Variants in GALNT13 observed in about 807,000 individuals in gnomAD.
GALNT13 encodes the protein UDP-GalNAc:polypeptide N-acetylgalactosaminyltransferase 13.
A neutral mutation model predicts 64.2 loss-of-function variants in GALNT13; 28 were observed. The ratio of observed to expected loss-of-function variants is 0.44; its 90% CI spans 0.32 to 0.60. The LOEUF (loss-of-function observed/expected upper bound fraction) is 0.60, where lower values mean the gene tolerates loss of function less well. Ranked by LOEUF, GALNT13 falls within the 20% of genes least tolerant of loss-of-function variation. The probability of loss-of-function intolerance (pLI) is 0.05; values close to 1 mark genes in which losing one functional copy is unlikely to be tolerated. For missense variants in GALNT13, 577 were observed against 669.8 expected (o/e 0.86, Z 1.53); for synonymous variants, 214 against 224.6 (o/e 0.95, Z 0.42).
chr2:153,908,360 A>G lies in GALNT13; in HGVS notation c.-105+7353A>G, dbSNP rs117555923. 2.4e-3 allele frequency among the ~76,000 whole-genome samples: 367 copies of G among 152,160 alleles called. 9 individuals carry two copies. The East Asian group carries it at 0.055, about 23-fold the overall frequency. ...TAGGTTGTCTGCTTACTCTGTTGAT[A>G]GTTTCTTTTTCTGCACAGAAGCTCT... On this transcript the variant is annotated intron_variant, in intron 2 of 12. Transcript: ENST00000392825.
intron 8 of GALNT13, among the ~76,000 whole-genome samples, chr2:154,282,042 T>C (rs1258477195): frequency 6.6e-6 from 1 of 152,110 alleles, no homozygotes; most frequent in Admixed American, 6.6e-5. Context: ...TAAGGGAAAA[T>C]ACTTGATAAT....
the GALNT13 span, among the ~76,000 whole-genome samples, chr2:153,738,250 C>A: frequency 1.3e-5 from 2 of 151,746 alleles, no homozygotes; most frequent in Non-Finnish European, 1.5e-5. Flanking sequence ...TGTTTTTATT[C>A]TTACTAGCTC....
chr2:153,360,959 G>A, the GALNT13 span, among the ~76,000 whole-genome samples: 2 of 152,080 alleles, frequency 1.3e-5, no homozygotes, highest in African/African-American at 2.4e-5. Context: ...CCCTATACAG[G>A]AGCACTCCTA....
At chr2:153,905,642 A>G (rs192923531) in intron 2 of GALNT13, among the ~76,000 whole-genome samples, 1 of 152,096 alleles carries the variant, frequency 6.6e-6, no homozygotes, top group Non-Finnish European at 1.5e-5. Context: ...TTGAGGTGCA[A>G]CAGCAAAACT....
intron 3 of GALNT13, among the ~76,000 whole-genome samples, chr2:153,971,328 G>A (rs1012074431): frequency 1.3e-5 from 2 of 152,002 alleles, no homozygotes; most frequent in Non-Finnish European, 2.9e-5. Context: ...TTCACTGCAT[G>A]ACATATTATG....
intron 9 of GALNT13, among the ~76,000 whole-genome samples, chr2:154,364,722 A>C (rs1697269304): frequency 6.6e-6 from 1 of 152,064 alleles, no homozygotes; most frequent in Admixed American, 6.6e-5. Context: ...CCCGGGCTGG[A>C]ATGCGATGGC....
chr2:153,997,856 A>G (rs1215054841), intron 3 of GALNT13, among the ~76,000 whole-genome samples: 2 of 151,752 alleles, frequency 1.3e-5, no homozygotes, highest in Non-Finnish European at 2.9e-5. Context: ...ATGTGTTCTC[A>G]TTGTTCAACT....
At position 154,101,522 on chromosome 2, in the gene GALNT13, G is replaced by A. The variant is rs145974231; in HGVS notation, c.143-38815G>A. Among the ~76,000 whole-genome samples the A allele has an allele frequency of 7.2e-3, 1,091 of 151,882 alleles. 16 individuals carry two copies. The highest frequency in any genetic ancestry group is 0.025 in the African/African-American group (1,044 of 41,420). Reference sequence around the variant, plus strand: ...TGTTATTTTTGTCATTTTTGATTGCGCTTATTTGAATTTTGTCTCTTTTAT... The same window carrying A: ...TGTTATTTTTGTCATTTTTGATTGCACTTATTTGAATTTTGTCTCTTTTAT... On this transcript the variant is annotated intron_variant, in intron 3 of 12. Coordinates refer to ENST00000392825, the MANE Select transcript of GALNT13 (RefSeq NM_052917.4).
At chr2:153,266,576 G>GAA in the GALNT13 span, among the ~76,000 whole-genome samples, 1 of 151,648 alleles carries the variant, frequency 6.6e-6, no homozygotes, top group Admixed American at 6.6e-5. Flanking sequence ...GGTGGCAGGA[G>GAA]AGAGAGAGAG....
At chr2:154,097,294 AC>A (rs1281880889) in intron 3 of GALNT13, among the ~76,000 whole-genome samples, 2 of 152,028 alleles carry the variant, frequency 1.3e-5, no homozygotes, top group Non-Finnish European at 2.9e-5. Context: ...CATAAATAAA[AC>A]CCACAATAAC....
chr2:153,556,729 C>T, the GALNT13 span, among the ~76,000 whole-genome samples: 1 of 152,122 alleles, frequency 6.6e-6, no homozygotes, highest in Non-Finnish European at 1.5e-5. Flanking sequence ...CCTAAATATT[C>T]TTAAATTCAA....
the GALNT13 span, among the ~76,000 whole-genome samples, chr2:153,732,948 G>C: frequency 6.6e-6 from 1 of 152,096 alleles, no homozygotes; most frequent in African/African-American, 2.4e-5. Context: ...TACTCTCCTA[G>C]CTTTTCTTCC....
intron 9 of GALNT13, among the ~76,000 whole-genome samples, chr2:154,319,892 T>C (rs1027923460): frequency 3.9e-5 from 6 of 152,084 alleles, no homozygotes; most frequent in African/African-American, 1.4e-4. Context: ...AAACTTTCAC[T>C]TCATAAAAAA....
At chr2:154,161,934 C>G (rs1057096452) in intron 4 of GALNT13, among the ~76,000 whole-genome samples, 9 of 152,028 alleles carry the variant, frequency 5.9e-5, no homozygotes, top group African/African-American at 2.2e-4. Flanking sequence ...GTGCCCGCCA[C>G]CACACCCAGC....
At chr2:154,212,660 C>T (rs1050384157) in intron 4 of GALNT13, among the ~76,000 whole-genome samples, 6 of 151,932 alleles carry the variant, frequency 3.9e-5, no homozygotes, top group South Asian at 2.1e-4. Flanking sequence ...CTCACCTTCT[C>T]TTCTCCTCCC....
At chr2:153,989,200 C>T (rs1695005219) in intron 3 of GALNT13, among the ~76,000 whole-genome samples, 1 of 151,918 alleles carries the variant, frequency 6.6e-6, no homozygotes, top group East Asian at 1.9e-4. Flanking sequence ...TCTTGTTAAA[C>T]ATGCATTAAC....
At chr2:154,150,529 G>A (rs1373383722) in intron 4 of GALNT13, among the ~76,000 whole-genome samples, 2 of 151,094 alleles carry the variant, frequency 1.3e-5, no homozygotes, top group African/African-American at 4.8e-5. Context: ...TGTACCTCTG[G>A]TAGAATTCGG....
At chr2:153,392,481 A>G in the GALNT13 span, among the ~76,000 whole-genome samples, 1 of 152,032 alleles carries the variant, frequency 6.6e-6, no homozygotes, top group African/African-American at 2.4e-5. Flanking sequence ...ATAATTTCTT[A>G]GGGAAAGATG....
chr2:153,481,960 G>A, the GALNT13 span, among the ~76,000 whole-genome samples: 2 of 152,150 alleles, frequency 1.3e-5, no homozygotes, highest in African/African-American at 4.8e-5. Context: ...CACAATGTAA[G>A]CAGGAGTAAG....
Sources: gnomAD v4.1 joint callset for allele counts (sites outside exome capture counted in the v4.1 genomes callset) on GRCh38, gnomAD v4.1.1 for gene constraint, MANE v1.5 for transcripts, NCBI Gene and HGNC (gene_info 2026-07-23, HGNC 2026-07-21) for gene names.